The following FRMPD4 variants were observed in gnomAD, a reference collection of about 807,000 sequenced individuals.
The protein encoded by FRMPD4 is FERM and PDZ domain-containing protein 4.
Under a neutral mutation model 94.1 loss-of-function variants are expected in FRMPD4, and 22 were observed. The ratio of observed to expected loss-of-function variants is 0.23; its 90% CI spans 0.17 to 0.33. FRMPD4 has a LOEUF of 0.33. Among genes scored for constraint, FRMPD4 ranks in the 10% least tolerant of loss-of-function variants. The pLI, the probability that FRMPD4 is intolerant of heterozygous loss-of-function variation, is 1.00. For missense variants in FRMPD4, 1,111 were observed against 1,339.9 expected (o/e 0.83, Z 2.67); for synonymous variants, 631 against 548.6 (o/e 1.15, Z -2.10).
At position 11,849,510 on chromosome X, in the gene FRMPD4, T is replaced by C. The variant is rs937501331; in HGVS notation, c.-160-15576T>C. Among the ~76,000 whole-genome samples the C allele has an allele frequency of 3.6e-5, 4 of 111,405 alleles. No homozygotes were observed. The East Asian group carries it at 1.1e-3, about 31-fold the overall frequency. On this transcript the variant is annotated intron_variant, in intron 1 of 18. Transcript: ENST00000640291. ...GTTGGGGGCCTCATACTTTTAGGTT[T>C]CAAAACTTATCACAAAGCTACAGTA...
At chrX:12,511,205 A>G (rs1439919423) in intron 2 of FRMPD4, among the ~76,000 whole-genome samples, 1 of 111,572 alleles carries the variant, frequency 9.0e-6, no homozygotes, top group Non-Finnish European at 1.9e-5. Flanking sequence ...CCAAGTCTCA[A>G]CAACAGCAGT....
chrX:12,099,229 A>C, intron 3 of FRMPD4, among the ~76,000 whole-genome samples: 1 of 110,671 alleles, frequency 9.0e-6, no homozygotes, highest in Middle Eastern at 4.7e-3. Context: ...ATAAAAAAAT[A>C]TATATATATA....
At chrX:12,254,820 ATCT>A (rs2054092405) in intron 1 of FRMPD4, among the ~76,000 whole-genome samples, 2 of 111,513 alleles carry the variant, frequency 1.8e-5, no homozygotes, top group African/African-American at 6.5e-5. Flanking sequence ...TTGATCAGCC[ATCT>A]TCTTCTTCAA....
chrX:12,477,283 C>T (rs1395304618), intron 1 of FRMPD4, among the ~76,000 whole-genome samples: 1 of 110,669 alleles, frequency 9.0e-6, no homozygotes, highest in Non-Finnish European at 1.9e-5. Flanking sequence ...GGAAGGAGAA[C>T]ATCACACACC....
chrX:12,022,276 T>C (rs996445834), intron 3 of FRMPD4, among the ~76,000 whole-genome samples: 8 of 112,475 alleles, frequency 7.1e-5, no homozygotes, highest in African/African-American at 2.6e-4. Context: ...TAAAAGGCCA[T>C]CTGCATTTGT....
In FRMPD4 at chrX:12,111,415, T is replaced by C. The variant is rs1601945720; in HGVS notation, c.95+233397T>C. Among the ~76,000 whole-genome samples, 3 of 111,375 alleles carry C rather than the reference T, an allele frequency of 2.7e-5. No homozygotes were observed. In the East Asian group the frequency reaches 8.5e-4, roughly 32 times the overall value. On this transcript the variant is annotated intron_variant, in intron 3 of 18. Coordinates refer to the FRMPD4 transcript ENST00000640291. The stretch of plus-strand genomic sequence containing the variant: ...CCTTCCTTACACGTTATACAAAAAT[T>C]AATTCAAGATGGATTAAAGACTTAA...
At chrX:12,322,458 A>T (rs1333315129) in intron 1 of FRMPD4, among the ~76,000 whole-genome samples, 1 of 110,688 alleles carries the variant, frequency 9.0e-6, no homozygotes, top group African/African-American at 3.3e-5. Flanking sequence ...TCCAGAGGCA[A>T]CAACATGAGG....
intron 3 of FRMPD4, among the ~76,000 whole-genome samples, chrX:12,065,529 TCCTC>T: frequency 8.9e-6 from 1 of 111,819 alleles, no homozygotes; most frequent in South Asian, 3.8e-4. Context: ...TATTCCTCCT[TCCTC>T]CCTCTCCACT....
intron 3 of FRMPD4, among the ~76,000 whole-genome samples, chrX:12,038,804 T>C (rs1456324393): frequency 8.0e-5 from 9 of 112,139 alleles, no homozygotes; most frequent in Non-Finnish European, 9.4e-5. Flanking sequence ...CACTCATTCC[T>C]AATTTTGGTA....
rs1479722971 is a variant in FRMPD4 at position 12,138,589 on chromosome X, C to G, written c.-383C>G. 2 of 272,442 alleles carry G rather than the reference C, an allele frequency of 7.3e-6. No individual in the cohort carries two copies. Among genetic ancestry groups the G allele is most frequent in the Non-Finnish European group, 1.3e-5 (2 of 155,108 alleles). The allele number at this position is 272,442 out of a possible 1,213,427, so 22.5% of individuals were successfully genotyped here. On this transcript the variant is annotated 5_prime_UTR_variant, in exon 1 of 17. Coordinates refer to ENST00000675598, the MANE Select transcript of FRMPD4 (RefSeq NM_001368397.1). ...GGGTCCGAGGGCCGGGAAGCCAGAG[C>G]AGCGCCTCTCGCCCAGGCCTCGCTT...
chrX:12,182,391 A>G, intron 1 of FRMPD4, among the ~76,000 whole-genome samples: 1 of 110,713 alleles, frequency 9.0e-6, no homozygotes, highest in Non-Finnish European at 1.9e-5. Flanking sequence ...TCATATTTAT[A>G]TTCTTAACAT....
intron 4 of FRMPD4, among the ~76,000 whole-genome samples, chrX:12,635,020 G>C (rs935970608): frequency 7.3e-5 from 8 of 109,500 alleles, no homozygotes; most frequent in East Asian, 2.9e-4. Context: ...TTTTAGTAGA[G>C]ATGGGATTTC....
chrX:12,404,589 A>G (rs751172938), intron 1 of FRMPD4, among the ~76,000 whole-genome samples: 10 of 111,954 alleles, frequency 8.9e-5, no homozygotes, highest in Non-Finnish European at 1.5e-4. Flanking sequence ...CTCAGGCGTG[A>G]TGTTGGGTAT....
chrX:11,903,207 A>G (rs939595940), intron 3 of FRMPD4, among the ~76,000 whole-genome samples: 3 of 112,432 alleles, frequency 2.7e-5, no homozygotes, highest in African/African-American at 9.7e-5. Flanking sequence ...GGGAAATGGT[A>G]TGTGTTTTTG....
chrX:12,569,191 A>T (rs1255523961), intron 2 of FRMPD4, among the ~76,000 whole-genome samples: 1 of 111,604 alleles, frequency 9.0e-6, no homozygotes, highest in Non-Finnish European at 1.9e-5. Context: ...ATTTCTGTTC[A>T]TTATAAGTTA....
intron 2 of FRMPD4, among the ~76,000 whole-genome samples, chrX:12,501,662 TTTC>T (rs750760903): frequency 5.4e-5 from 6 of 111,753 alleles, no homozygotes; most frequent in African/African-American, 1.9e-4. Flanking sequence ...ATTTAGATGT[TTTC>T]TTTTTTTTAT....
At chrX:12,367,708 G>T (rs2056105542) in intron 1 of FRMPD4, among the ~76,000 whole-genome samples, 1 of 111,549 alleles carries the variant, frequency 9.0e-6, no homozygotes, top group South Asian at 3.8e-4. Flanking sequence ...GATGGACCTG[G>T]TCAGGGATTA....
chrX:12,042,225 T>A (rs2054760009), intron 3 of FRMPD4, among the ~76,000 whole-genome samples: 1 of 110,963 alleles, frequency 9.0e-6, no homozygotes, highest in Non-Finnish European at 1.9e-5. Flanking sequence ...GCTTTTTTTT[T>A]TTTTCCCAGA....
chrX:11,987,115 A>C (rs1490385595), intron 3 of FRMPD4, among the ~76,000 whole-genome samples: 2 of 101,085 alleles, frequency 2.0e-5, no homozygotes, highest in Non-Finnish European at 4.0e-5. Flanking sequence ...AAAAAAAAAA[A>C]AAAAAAAAAA....
Sources: gnomAD v4.1 joint callset for allele counts (sites outside exome capture counted in the v4.1 genomes callset) on GRCh38, gnomAD v4.1.1 for gene constraint, MANE v1.5 for transcripts, NCBI Gene and HGNC (gene_info 2026-07-23, HGNC 2026-07-21) for gene names.